Variants in ASPSCR1 observed in about 807,000 individuals in gnomAD.
ASPSCR1 encodes ASPSCR1 tether for SLC2A4, UBX domain containing, also known as tether containing UBX domain for GLUT4.
ASPSCR1 carries 55 observed loss-of-function variants against 68.9 expected under a neutral mutation model. That is an observed-to-expected ratio of 0.80 (90% CI 0.64 to 1.00). The LOEUF is 1.00. ASPSCR1 is among the 50% of genes least tolerant of loss of function. The probability of loss-of-function intolerance (pLI) is 0.00; values close to 1 mark genes in which losing one functional copy is unlikely to be tolerated. For missense variants in ASPSCR1, 765 were observed against 762.2 expected, an observed-to-expected ratio of 1.00 and a Z score of -0.04; for synonymous variants, 352 against 332.6, an observed-to-expected ratio of 1.06 and a Z score of -0.63.
intron 9 of ASPSCR1, among the ~76,000 whole-genome samples, chr17:82,010,281 G>A (rs989390416): frequency 1.3e-5 from 2 of 150,972 alleles, no homozygotes; most frequent in East Asian, 2.0e-4. Flanking sequence ...TGTAATCCCA[G>A]CACTTTGGGA....
intron 11 of ASPSCR1, 180 bp from the exon 12 acceptor site, chr17:82,012,051 G>T: frequency 1.3e-6 from 1 of 781,470 alleles, no homozygotes; most frequent in Non-Finnish European, 2.2e-6. Context: ...CCCCCCACCG[G>T]CCCTTCCGAG....
intron 11 of ASPSCR1, 110 bp downstream of exon 11, chr17:82,011,715 GCAT>G: frequency 8.0e-7 from 1 of 1,246,684 alleles, no homozygotes; most frequent in Non-Finnish European, 1.1e-6. Flanking sequence ...CACAGGAGCA[GCAT>G]CTGTGGCCTC....
Position 81,999,848 on chromosome 17 carries a change from A to C in ASPSCR1, c.933+3002A>C, listed in dbSNP as rs2042471121. Among the ~76,000 whole-genome samples the C allele has an allele frequency of 6.6e-6, 1 of 152,108 alleles. No homozygotes were observed. Among genetic ancestry groups the C allele is most frequent in the Non-Finnish European group, 1.5e-5 (1 of 68,004 alleles). On this transcript the variant is annotated intron_variant, in intron 7 of 15. Coordinates refer to ENST00000306739, the MANE Select transcript of ASPSCR1 (RefSeq NM_024083.4). This position sits in a 1 kb window ranked among gnomAD's most constrained non-coding sequence, Gnocchi z 4.4. ...GGGAGGGCAGAGGCCGGGCGTCTGC[A>C]CCGTGTTGGATGTGGGGGCTCCCAT...
rs55733420 is a variant in ASPSCR1, at chr17:81,984,579, C to CA, written c.274-914dup. Among the ~76,000 whole-genome samples, 329 of 118,934 alleles carry CA rather than the reference C, an allele frequency of 2.8e-3. 1 individual carries two copies. The highest frequency in any genetic ancestry group is 3.7e-3 in the African/African-American group (118 of 31,792). The allele number at this position is 118,934 out of a possible 152,430, so 78.0% of individuals were successfully genotyped here. On this transcript the variant is annotated intron_variant, in intron 3 of 15. Coordinates refer to ENST00000306739, the MANE Select transcript of ASPSCR1 (RefSeq NM_024083.4). ...TGGGCGACAGAGTGAGACTTTGTCT[C>CA]AAAAAAAAAAAAAAGAGCAGCAAAC...
intron 4 of ASPSCR1, among the ~76,000 whole-genome samples, chr17:81,992,364 C>T (rs189395402): frequency 2.6e-5 from 4 of 152,294 alleles, no homozygotes; most frequent in Admixed American, 2.0e-4. Context: ...CCTGAGATCC[C>T]GCATGAGGGA....
In ASPSCR1 at chr17:82,017,385, TAA is replaced by T; in HGVS notation, c.*65_*66del. 6.2e-7 allele frequency: 1 copy of T among 1,609,632 alleles called. No homozygotes were observed. Among genetic ancestry groups the T allele is most frequent in the Admixed American group, 1.7e-5 (1 of 59,972 alleles). On this transcript the variant is annotated 3_prime_UTR_variant, in exon 16 of 16. Coordinates refer to ENST00000306739, the MANE Select transcript of ASPSCR1 (RefSeq NM_024083.4). Reference sequence around the variant, plus strand: ...GGACCACCTCCTCTGCCAGCAGGAATAAAGACTTGTGCATCCCTCAACGCCTT... The same window carrying T: ...GGACCACCTCCTCTGCCAGCAGGAATAGACTTGTGCATCCCTCAACGCCTT...
chr17:81,991,929 C>T (rs118040910), intron 4 of ASPSCR1, among the ~76,000 whole-genome samples: 68 of 152,384 alleles, frequency 4.5e-4, no homozygotes, highest in Non-Finnish European at 8.5e-4. Context: ...CTTGCCGGAG[C>T]GGGGCCCCAG....
intron 12 of ASPSCR1, chr17:82,015,004 G>A: frequency 6.8e-7 from 1 of 1,477,090 alleles, no homozygotes; most frequent in Non-Finnish European, 9.0e-7. Flanking sequence ...CTCAGCCTGT[G>A]CCTCCCTCAA....
rs528921970 is a variant in ASPSCR1 at position 81,986,645 on chromosome 17, G to A, written c.374+1038G>A. Among the ~76,000 whole-genome samples, 16 of 151,680 alleles carry A rather than the reference G, an allele frequency of 1.1e-4. No homozygotes were observed. Among genetic ancestry groups the A allele is most frequent in the Non-Finnish European group, 1.6e-4 (11 of 67,958 alleles). ...GAGCCAGGGGGTTCTCGCCCTCCCCGGGCCTCAGTTTCCTCACCTGTGCCC... is the reference window on the plus strand; with the variant it reads ...GAGCCAGGGGGTTCTCGCCCTCCCCAGGCCTCAGTTTCCTCACCTGTGCCC... On this transcript the variant is annotated intron_variant, in intron 4 of 15. Transcript: ENST00000306739. The surrounding 1 kb of genome is among the most constrained non-coding windows in gnomAD (Gnocchi z 5.2).
intron 4 of ASPSCR1, among the ~76,000 whole-genome samples, chr17:81,993,270 G>A (rs2042228399): frequency 6.6e-6 from 1 of 152,086 alleles, no homozygotes; most frequent in African/African-American, 2.4e-5. Flanking sequence ...CTGGAGTGCA[G>A]TGGCGCGATC....
intron 2 of ASPSCR1, among the ~76,000 whole-genome samples, chr17:81,980,170 A>G (rs1324934929): frequency 2.6e-5 from 4 of 152,120 alleles, no homozygotes; most frequent in Admixed American, 2.6e-4. Flanking sequence ...TTTAGTAGAG[A>G]TGGGGTTTCA....
rs564892933 is a variant in ASPSCR1 at position 82,009,404 on chromosome 17, G to T, written c.1089-82G>T. On this transcript the variant is annotated intron_variant, in intron 8 of 15. Transcript: ENST00000306739. ...GAGAGCAGCCCACTCCCACCCTGGAGGGTGCAGGTGAGGAGCCCGGGGCCT... is the reference window on the plus strand; with the variant it reads ...GAGAGCAGCCCACTCCCACCCTGGATGGTGCAGGTGAGGAGCCCGGGGCCT... The T allele has an allele frequency of 3.5e-6, 5 of 1,429,564 alleles. No individual in the cohort carries two copies. The African/African-American group carries it at 5.8e-5, about 16-fold the overall frequency. 88.6% of individuals were successfully genotyped at this position (1,429,564 alleles called of 1,614,324 possible).
At chr17:82,013,541 C>T (rs1271641603) in intron 12 of ASPSCR1, 2 of 152,232 alleles carry the variant, frequency 1.3e-5, no homozygotes, top group African/African-American at 4.8e-5. Flanking sequence ...GCCTGCCTCC[C>T]TGGCAGGCAA....
chr17:82,005,585 A>T (rs1490024332), intron 7 of ASPSCR1: 1 of 152,154 alleles, frequency 6.6e-6, no homozygotes, highest in Non-Finnish European at 1.5e-5. Flanking sequence ...GCTGAGACCC[A>T]GGTTGGGGCC....
At chr17:81,982,801 TCTTTTCTTTC>T (rs2041838220) in intron 2 of ASPSCR1, 1 of 152,078 alleles carries the variant, frequency 6.6e-6, no homozygotes, top group African/African-American at 2.4e-5. Flanking sequence ...TCTTTTCTTT[TCTTTTCTTTC>T]CTTTCCTTTC....
At chr17:81,985,391 C>G in intron 3 of ASPSCR1, 116 bp from the exon 4 acceptor site, 1 of 1,086,660 alleles carries the variant, frequency 9.2e-7, no homozygotes. Flanking sequence ...GTCAGCCTCT[C>G]CCTGGAGGCC....
At chr17:81,984,501 C>T (rs1049174685) in intron 3 of ASPSCR1, among the ~76,000 whole-genome samples, 8 of 151,552 alleles carry the variant, frequency 5.3e-5, no homozygotes, top group Non-Finnish European at 7.4e-5. Context: ...GGCGTGAACC[C>T]GGGAGGCGGA....
At chr17:82,012,113 A>G (rs2042968149) in intron 11 of ASPSCR1, 118 bp from the exon 12 acceptor site, 2 of 1,210,546 alleles carry the variant, frequency 1.7e-6, no homozygotes, top group East Asian at 2.3e-5. Context: ...CGTGCTCGTG[A>G]GGGGCTCTTC....
At chr17:81,980,196 C>T (rs1032863348) in intron 2 of ASPSCR1, among the ~76,000 whole-genome samples, 4 of 152,188 alleles carry the variant, frequency 2.6e-5, no homozygotes, top group Admixed American at 6.5e-5. Flanking sequence ...TTGGCCAGGA[C>T]GGTCTAGAAC....
Sources: allele counts gnomAD v4.1 joint callset (sites outside exome capture counted in the v4.1 genomes callset), GRCh38; gene constraint gnomAD v4.1.1; non-coding constraint Gnocchi (gnomAD v3.1); transcripts MANE v1.5; gene names NCBI Gene and HGNC (gene_info 2026-07-23, HGNC 2026-07-21).